Variants in SARDH observed in about 807,000 individuals in gnomAD.
SARDH encodes sarcosine dehydrogenase.
SARDH carries 95 observed loss-of-function variants against 109.1 expected under a neutral mutation model. The observed-to-expected ratio is 0.87, with a 90% CI of 0.74 to 1.03. The LOEUF is 1.03. Ranked by LOEUF, SARDH falls within the 50% of genes least tolerant of loss-of-function variation. The pLI is 0.00. For synonymous variants in SARDH, 572 were observed against 534.8 expected (o/e 1.07, Z -0.96); for missense variants, 1,267 against 1,287.8 (o/e 0.98, Z 0.25).
At chr9:133,677,129 A>G (rs867539449) in intron 17 of SARDH, among the ~76,000 whole-genome samples, 3 of 151,904 alleles carry the variant, frequency 2.0e-5, no homozygotes, top group Non-Finnish European at 4.4e-5. Context: ...ACAGAGTGAG[A>G]CTCCATCGCA....
intron 6 of SARDH, among the ~76,000 whole-genome samples, chr9:133,726,605 G>A (rs1177402337): frequency 6.6e-6 from 1 of 152,098 alleles, no homozygotes; most frequent in African/African-American, 2.4e-5. Flanking sequence ...GGAGTGCCCA[G>A]TTCAGCATCA....
In SARDH at chr9:133,686,495, G is replaced by A. The variant is rs1436701416; in HGVS notation, c.2070-1209C>T. Among the ~76,000 whole-genome samples, 2 of 152,110 alleles carry A rather than the reference G, an allele frequency of 1.3e-5. No homozygotes were observed. The highest frequency in any genetic ancestry group is 1.9e-4 in the East Asian group (1 of 5,190). ...TCCAAGATCCCACAGTCTCCTGCCA[G>A]GGTGTCTCTCACATTGGTTGTACCC... On this transcript the variant is annotated intron_variant, in intron 16 of 20. Coordinates refer to ENST00000439388, the MANE Select transcript of SARDH (RefSeq NM_001134707.2). The surrounding 1 kb of genome is among the most constrained non-coding windows in gnomAD (Gnocchi z 4.0).
At chr9:133,673,243 C>T (rs778261151) in intron 17 of SARDH, among the ~76,000 whole-genome samples, 26 of 152,230 alleles carry the variant, frequency 1.7e-4, no homozygotes, top group East Asian at 5.8e-4. Flanking sequence ...GGTTCAGGTG[C>T]GTGGCACGTC....
chr9:133,734,455 A>AC lies in SARDH; in HGVS notation c.-30-253_-30-252insG, dbSNP rs1832813395. On this transcript the variant is annotated intron_variant, in intron 1 of 20. Transcript: ENST00000439388. ...CATTCATTCACTCATTCATTCATTCATTCACTCATTCATTCATTCATTCAT... is the reference window on the plus strand; with the variant it reads ...CATTCATTCACTCATTCATTCATTCACTTCACTCATTCATTCATTCATTCAT... Among the ~76,000 whole-genome samples, 2 of 146,062 alleles carry AC rather than the reference A, an allele frequency of 1.4e-5. 1 individual carries two copies. Among genetic ancestry groups the AC allele is most frequent in the Non-Finnish European group, 2.9e-5 (2 of 67,970 alleles).
At chr9:133,734,729 T>C (rs1832824228) in intron 1 of SARDH, among the ~76,000 whole-genome samples, 1 of 152,042 alleles carries the variant, frequency 6.6e-6, no homozygotes, top group Non-Finnish European at 1.5e-5. Context: ...GGGAGGGGAC[T>C]GAGGACAGAG....
At chr9:133,710,277 C>T (rs753100904) in intron 10 of SARDH, among the ~76,000 whole-genome samples, 22 of 152,352 alleles carry the variant, frequency 1.4e-4, no homozygotes, top group Non-Finnish European at 2.2e-4. Context: ...AGAACAGGAG[C>T]GACTGACCAA....
intron 11 of SARDH, among the ~76,000 whole-genome samples, chr9:133,705,989 C>T (rs1322109364): frequency 2.0e-5 from 3 of 152,212 alleles, no homozygotes; most frequent in African/African-American, 7.2e-5. Flanking sequence ...GATCTTGGAC[C>T]TCCCAGTCTC....
At chr9:133,730,026 C>T (rs1307795573) in intron 5 of SARDH, 38 bp downstream of exon 5, 1 of 1,611,796 alleles carries the variant, frequency 6.2e-7, no homozygotes, top group Non-Finnish European at 8.5e-7. Flanking sequence ...GAGCAGCCAG[C>T]ATGGCCACAC....
chr9:133,684,542 G>T (rs576461310), intron 17 of SARDH, among the ~76,000 whole-genome samples: 7 of 152,180 alleles, frequency 4.6e-5, no homozygotes, highest in Non-Finnish European at 7.3e-5. Flanking sequence ...GGTCGTGCTG[G>T]CCCAGAACTA....
chr9:133,730,154 C>T lies in SARDH; in HGVS notation c.724G>A (p.Val242Met), dbSNP rs1832627214. ...IENCPVTGIR[V>M]WTDDFGVRRV... ...CGCACCCCAAAATCATCCGTCCACA[C>T]ACGAATGCCGGTCACTGGGCAGTTC... Residue 242 changes from valine to methionine, a missense_variant, in exon 5 of 21, where the codon GTG (valine) becomes ATG (methionine). Transcript: ENST00000439388. 1.2e-6 allele frequency: 2 copies of T among 1,614,254 alleles called. No individual in the cohort carries two copies. The highest frequency in any genetic ancestry group is 4.5e-5 in the East Asian group (2 of 44,882).
intron 19 of SARDH, chr9:133,667,191 CT>C: frequency 2.4e-6 from 1 of 423,446 alleles, no homozygotes; most frequent in Non-Finnish European, 4.1e-6. Context: ...TTGTTCAACT[CT>C]GGTTTTTTTT....
intron 15 of SARDH, among the ~76,000 whole-genome samples, chr9:133,691,149 C>T (rs1222654391): frequency 6.6e-6 from 1 of 151,162 alleles, no homozygotes; most frequent in East Asian, 2.0e-4. Flanking sequence ...TTCAGACAGA[C>T]ACCCTACCTC....
downstream of SARDH, among the ~76,000 whole-genome samples, chr9:133,661,477 C>CT (rs1491586292): frequency 2.0e-5 from 3 of 151,500 alleles, no homozygotes; most frequent in Admixed American, 6.6e-5. Context: ...GATGTAGGCA[C>CT]TTTCTTTTTT....
Position 133,730,128 on chromosome 9 carries a change from C to T in SARDH, c.750G>A (p.Arg250=). The T allele has an allele frequency of 6.2e-7, 1 of 1,614,230 alleles. No homozygotes were observed. Among genetic ancestry groups the T allele is most frequent in the Non-Finnish European group, 8.5e-7 (1 of 1,180,050 alleles). The part of the protein sequence containing the change: ...IRVWTDDFGV[R]RVAGVETQHG... ...GCTGAGTCTCCACACCCGCGACCCG[C>T]CGCACCCCAAAATCATCCGTCCACA... Residue 250 remains arginine, a synonymous_variant, in exon 5 of 21, where the codon CGG becomes CGA. Transcript: ENST00000439388.
rs1189618722 is a variant in SARDH at position 133,704,265 on chromosome 9, C to T, written c.1554+683G>A. Among the ~76,000 whole-genome samples, 1 of 152,106 alleles carries T rather than the reference C, an allele frequency of 6.6e-6. No homozygotes were observed. On this transcript the variant is annotated intron_variant, in intron 12 of 20. Coordinates refer to ENST00000439388, the MANE Select transcript of SARDH (RefSeq NM_001134707.2). The surrounding 1 kb of genome is among the most constrained non-coding windows in gnomAD (Gnocchi z 4.5). ...GCCATGGGGATGGAAGGTGGGTGCA[C>T]CAGAGGGGACTGGTGAGACGCAGCC...
At chr9:133,732,715 G>A in intron 2 of SARDH, 114 bp from the exon 3 acceptor site, 1 of 1,219,466 alleles carries the variant, frequency 8.2e-7, no homozygotes. Flanking sequence ...TCTCTGCAAG[G>A]TCTTTCTCTG....
Position 133,702,934 on chromosome 9 carries a change from G to C in SARDH, c.1650C>G (p.Phe550Leu), listed in dbSNP as rs756734281. 6.2e-7 allele frequency: 1 copy of C among 1,612,520 alleles called. No individual in the cohort carries two copies. Among genetic ancestry groups the C allele is most frequent in the Non-Finnish European group, 8.5e-7 (1 of 1,179,952 alleles). The part of the protein sequence containing the change: ...RLLADEYTFA[F>L]PPHHDTIKKE... ...TACGCACCGTGTCGTGGTGGGGCGG[G>C]AAGGCGAAGGTGTACTCGTCTGCCA... Residue 550 changes from phenylalanine to leucine, a missense_variant, in exon 13 of 21, where the codon TTC becomes TTG. Transcript: ENST00000439388.
chr9:133,727,921 G>A (rs1181960945), intron 6 of SARDH, among the ~76,000 whole-genome samples: 3 of 152,090 alleles, frequency 2.0e-5, no homozygotes, highest in Admixed American at 1.3e-4. Flanking sequence ...TCCTGGGCTC[G>A]GTGGACATTC....
Position 133,690,381 on chromosome 9 carries a change from T to C in SARDH, c.2068A>G (p.Ser690Gly). The C allele has an allele frequency of 6.2e-7, 1 of 1,608,826 alleles. No individual in the cohort carries two copies. The highest frequency in any genetic ancestry group is 8.5e-7 in the Non-Finnish European group (1 of 1,176,786). ...LGMISIQGPA[S>G]RAILQEVLDA... The stretch of plus-strand genomic sequence containing the variant: ...GGCGGGCTCCCAGTCCTCTCTCACC[T>C]GGCTGGGCCCTGGATACTGATCATA... Residue 690 changes from serine (S) to glycine (G), a missense_variant and splice_region_variant, in exon 16 of 21, where the codon AGC becomes GGC. By Grantham distance (56) the Ser-to-Gly change is moderately conservative (BLOSUM62 0). Transcript: ENST00000439388.
Sources: allele counts gnomAD v4.1 joint callset (sites outside exome capture counted in the v4.1 genomes callset), GRCh38; gene constraint gnomAD v4.1.1; non-coding constraint Gnocchi (gnomAD v3.1); transcripts MANE v1.5; gene names NCBI Gene and HGNC (gene_info 2026-07-23, HGNC 2026-07-21).